TBC1D23: variants seen among roughly 807,000 people sequenced by gnomAD.
TBC1D23 encodes HCV non-structural protein 4A-transactivated protein 1.
A neutral mutation model predicts 91.4 loss-of-function variants in TBC1D23; 55 were observed. That is an observed-to-expected ratio of 0.60 (90% CI 0.48 to 0.75). TBC1D23 has a LOEUF of 0.75. Ranked by LOEUF, TBC1D23 falls within the 30% of genes least tolerant of loss-of-function variation. The pLI is 0.00. For missense variants in TBC1D23, 725 were observed against 836.1 expected, an observed-to-expected ratio of 0.87 and a Z score of 1.64; for synonymous variants, 289 against 281.0, an observed-to-expected ratio of 1.03 and a Z score of -0.28.
chr3:100,308,989 G>T (rs1705569153), intron 13 of TBC1D23, among the ~76,000 whole-genome samples: 1 of 152,186 alleles, frequency 6.6e-6, no homozygotes, highest in Non-Finnish European at 1.5e-5. Context: ...GGGAATCCGA[G>T]GCAGATGAAT....
At chr3:100,280,598 C>T (rs1013058024) in intron 2 of TBC1D23, among the ~76,000 whole-genome samples, 1 of 152,166 alleles carries the variant, frequency 6.6e-6, no homozygotes, top group Admixed American at 6.5e-5. Context: ...ACCTTTTTAC[C>T]TTTTTGCCCT....
intron 8 of TBC1D23, 132 bp from the exon 9 acceptor site, chr3:100,297,791 A>T: frequency 1.6e-6 from 1 of 627,006 alleles, no homozygotes; most frequent in Non-Finnish European, 2.5e-6. Flanking sequence ...GAGATTATGT[A>T]GTATTAAGTT....
In TBC1D23 at chr3:100,295,379, T is replaced by C. The variant is rs1255239296; in HGVS notation, c.772+31T>C. 4 of 1,559,922 alleles carry C rather than the reference T, an allele frequency of 2.6e-6. No homozygotes were observed. The South Asian group carries it at 4.7e-5, about 18-fold the overall frequency. On this transcript the variant is annotated intron_variant, in intron 7 of 18. Transcript: ENST00000394144. ...TATCATTTAATGTAGTGAAAACATT[T>C]CAGGTCTCTTTATCTGTGTAAGTTA...
At chr3:100,315,749 A>C (rs1462452374) in intron 15 of TBC1D23, 1 of 255,106 alleles carries the variant, frequency 3.9e-6, no homozygotes, top group Non-Finnish European at 7.7e-6. Flanking sequence ...TGTTAGCACT[A>C]TTTTACAGAG....
At position 100,295,147 on chromosome 3, in the gene TBC1D23, T is replaced by C. The variant is rs756938660; in HGVS notation, c.661T>C (p.Tyr221His). Reference sequence around the variant, plus strand: ...AGTCACTCAGGCAATATGGGATGGATATCTACAACAAGCAGATCCATTTTT... The same window carrying C: ...AGTCACTCAGGCAATATGGGATGGACATCTACAACAAGCAGATCCATTTTT... ...TEVTQAIWDGYLQQADPFFIY... is the reference protein window; with the variant it reads ...TEVTQAIWDGHLQQADPFFIY... Residue 221 changes from tyrosine to histidine, a missense_variant, in exon 6 of 19, where the codon TAT becomes CAT. Physicochemically the swap from Tyr to His is moderately conservative, Grantham distance 83. Coordinates refer to ENST00000394144, the MANE Select transcript of TBC1D23 (RefSeq NM_001199198.3). 7 of 1,606,744 alleles carry C rather than the reference T, an allele frequency of 4.4e-6. No individual in the cohort carries two copies. The highest frequency in any genetic ancestry group is 2.2e-5 in the East Asian group (1 of 44,768).
intron 1 of TBC1D23, among the ~76,000 whole-genome samples, chr3:100,274,024 GAAAAGTGATTCACA>G (rs767003215): frequency 1.1e-3 from 162 of 152,192 alleles, no homozygotes; most frequent in Non-Finnish European, 2.1e-3. Flanking sequence ...ATGAGAAACT[GAAAAGTGATTCACA>G]AAAAGTGATT....
At chr3:100,304,821 A>G (rs1705489803) in intron 11 of TBC1D23, 25 bp from the exon 12 acceptor site, 1 of 1,248,180 alleles carries the variant, frequency 8.0e-7, no homozygotes, top group African/African-American at 1.5e-5. Context: ...TTTTGGAAGA[A>G]TTTAAATTTT....
At position 100,323,787 on chromosome 3, in the gene TBC1D23, G is replaced by T. The variant is rs999601949; in HGVS notation, c.*119G>T. 20 of 361,310 alleles carry T rather than the reference G, an allele frequency of 5.5e-5. No individual in the cohort carries two copies. The highest frequency in any genetic ancestry group is 7.8e-5 in the Non-Finnish European group (16 of 205,456). 22.4% of individuals were successfully genotyped at this position (361,310 alleles called of 1,614,324 possible). On this transcript the variant is annotated 3_prime_UTR_variant, in exon 19 of 19. Coordinates refer to ENST00000394144, the MANE Select transcript of TBC1D23 (RefSeq NM_001199198.3). ...TGCTCATGGGGCTGCTTAAATAGCA[G>T]GTCTAAGAAAGTGTAAATTATTATA...
Position 100,279,749 on chromosome 3 carries a change from A to G in TBC1D23, c.154A>G (p.Lys52Glu), listed in dbSNP as rs141038403. The G allele has an allele frequency of 1.3e-5, 20 of 1,588,106 alleles. No homozygotes were observed. The highest frequency in any genetic ancestry group is 1.3e-5 in the African/African-American group (1 of 74,246). Reference protein sequence around the residue: ...GRPLPADLRAKVWKIALNVAG... With the variant: ...GRPLPADLRAEVWKIALNVAG... ...ACCGCTGCCTGCTGATCTGAGGGCC[A>G]AAGTTTGGAAGGTAACTAGAAACTA... The change falls in exon 2 of 19, where the codon AAA (lysine) becomes GAA (glutamate). Residue 52 changes from lysine (K) to glutamate (E), a missense_variant. Physicochemically the swap from Lys to Glu is moderately conservative, Grantham distance 56 (BLOSUM62 1). Coordinates refer to ENST00000394144, the MANE Select transcript of TBC1D23 (RefSeq NM_001199198.3).
At chr3:100,296,322 C>A in intron 8 of TBC1D23, 47 bp downstream of exon 8, 1 of 1,082,304 alleles carries the variant, frequency 9.2e-7, no homozygotes, top group Non-Finnish European at 1.4e-6. Context: ...ATATTTTGTA[C>A]ATTGTTTTAT....
At chr3:100,323,334 A>G (rs1559818606) in intron 18 of TBC1D23, among the ~76,000 whole-genome samples, 1 of 152,150 alleles carries the variant, frequency 6.6e-6, no homozygotes. Flanking sequence ...TGGTTCAAAG[A>G]ATTTTAGCTT....
intron 4 of TBC1D23, among the ~76,000 whole-genome samples, chr3:100,287,436 C>G (rs2067753528): frequency 6.6e-6 from 1 of 152,226 alleles, no homozygotes; most frequent in Non-Finnish European, 1.5e-5. Context: ...GTTGCAGTGG[C>G]TGACTCTCAG....
intron 1 of TBC1D23, among the ~76,000 whole-genome samples, chr3:100,274,911 TTA>T: frequency 6.9e-6 from 1 of 145,196 alleles, no homozygotes; most frequent in Non-Finnish European, 1.5e-5. Context: ...CCCTTTTTGT[TTA>T]TTCATTCATC....
chr3:100,324,674 G>A lies in TBC1D23; in HGVS notation c.*1006G>A, dbSNP rs753597669. The A allele has an allele frequency of 2.0e-5, 3 of 152,134 alleles. No individual in the cohort carries two copies. Among genetic ancestry groups the A allele is most frequent in the African/African-American group, 4.8e-5 (2 of 41,440 alleles). 9.4% of individuals were successfully genotyped at this position (152,134 alleles called of 1,614,324 possible). On this transcript the variant is annotated 3_prime_UTR_variant, in exon 19 of 19. Transcript: ENST00000394144. ...GTTTGAAATTAGTTTTGGACACATT[G>A]TCTTAATGTACTGAAAATTGCTCTG...
intron 4 of TBC1D23, among the ~76,000 whole-genome samples, chr3:100,289,406 G>A (rs562837097): frequency 3.3e-5 from 5 of 152,194 alleles, no homozygotes; most frequent in Non-Finnish European, 7.4e-5. Flanking sequence ...CTCTGGGCTC[G>A]AAAGGTTTTC....
chr3:100,266,096 T>C (rs971656346), intron 1 of TBC1D23, among the ~76,000 whole-genome samples: 2 of 152,188 alleles, frequency 1.3e-5, no homozygotes, highest in African/African-American at 4.8e-5. Flanking sequence ...GATACTACTT[T>C]TAGAAGAAAT....
chr3:100,284,356 A>T (rs13323916), intron 4 of TBC1D23, among the ~76,000 whole-genome samples: 2 of 152,080 alleles, frequency 1.3e-5, no homozygotes, highest in South Asian at 4.1e-4. Context: ...TCTAGAGTTT[A>T]TATATATAAT....
At chr3:100,317,891 G>A (rs977875833) in intron 16 of TBC1D23, among the ~76,000 whole-genome samples, 29 of 152,104 alleles carry the variant, frequency 1.9e-4, no homozygotes, top group African/African-American at 6.5e-4. Flanking sequence ...TGGGAGTAGG[G>A]TAGCAGTTGT....
At chr3:100,303,223 G>C (rs910008754) in intron 11 of TBC1D23, among the ~76,000 whole-genome samples, 1 of 152,062 alleles carries the variant, frequency 6.6e-6, no homozygotes, top group Non-Finnish European at 1.5e-5. Flanking sequence ...TCAGCAAGAT[G>C]GTAGGCATGG....
Sources: allele counts gnomAD v4.1 joint callset (sites outside exome capture counted in the v4.1 genomes callset), GRCh38; gene constraint gnomAD v4.1.1; transcripts MANE v1.5; gene names NCBI Gene and HGNC (gene_info 2026-07-23, HGNC 2026-07-21).